DCUN1D4: variants seen among roughly 807,000 people sequenced by gnomAD.
The protein encoded by DCUN1D4 is defective in cullin neddylation 1 domain containing 4.
Under a neutral mutation model 47.9 loss-of-function variants are expected in DCUN1D4, and 22 were observed. That is an observed-to-expected ratio of 0.46 (90% CI 0.33 to 0.66). The LOEUF is 0.66. Among genes scored for constraint, DCUN1D4 ranks in the 30% least tolerant of loss-of-function variants. The pLI is 0.02. For synonymous variants in DCUN1D4, 121 were observed against 112.2 expected, an observed-to-expected ratio of 1.08 and a Z score of -0.50; for missense variants, 301 against 340.8, an observed-to-expected ratio of 0.88 and a Z score of 0.92.
At chr4:51,872,356 C>G (rs979495138) in intron 3 of DCUN1D4, among the ~76,000 whole-genome samples, 2 of 152,210 alleles carry the variant, frequency 1.3e-5, no homozygotes, top group African/African-American at 4.8e-5. Flanking sequence ...GAGCAGGTAT[C>G]TGGAAAGAGC....
chr4:51,893,056 G>A (rs1730691154), intron 7 of DCUN1D4, among the ~76,000 whole-genome samples: 1 of 152,222 alleles, frequency 6.6e-6, no homozygotes, highest in Admixed American at 6.5e-5. Context: ...GCTACTTTGT[G>A]AAGAAGACAG....
intron 8 of DCUN1D4, among the ~76,000 whole-genome samples, chr4:51,905,858 C>G (rs1399336632): frequency 1.3e-5 from 2 of 152,040 alleles, no homozygotes; most frequent in African/African-American, 2.4e-5. Context: ...CATTGCAGTC[C>G]TACCTTGATG....
rs541774008 is a variant in DCUN1D4 at position 51,899,954 on chromosome 4, A to G, written c.615+576A>G. Among the ~76,000 whole-genome samples, 77 of 152,284 alleles carry G rather than the reference A, an allele frequency of 5.1e-4. 1 individual carries two copies. Among genetic ancestry groups the G allele is most frequent in the Non-Finnish European group, 9.9e-4 (67 of 68,020 alleles). On this transcript the variant is annotated intron_variant, in intron 8 of 10. Transcript: ENST00000334635. ...TCCCTTGGAGTGAAATAAAAATCTTACTTTTCAGCCTAGTCACCATACATA... is the reference window on the plus strand; with the variant it reads ...TCCCTTGGAGTGAAATAAAAATCTTGCTTTTCAGCCTAGTCACCATACATA...
intron 5 of DCUN1D4, 59 bp downstream of exon 5, chr4:51,877,913 A>T (rs1398513421): frequency 2.6e-6 from 3 of 1,164,906 alleles, no homozygotes; most frequent in Non-Finnish European, 2.4e-6. Context: ...AGTACCTTAG[A>T]GATGATTAAA....
Position 51,913,636 on chromosome 4 carries a change from A to G in DCUN1D4, c.*52A>G. 6.5e-7 allele frequency: 1 copy of G among 1,541,780 alleles called. No homozygotes were observed. The highest frequency in any genetic ancestry group is 1.1e-5 in the South Asian group (1 of 87,788). ...CACTGTTACCACAGTTTTGTCACCC[A>G]TTAGCCATAAATTGCTGTTTGTATC... On this transcript the variant is annotated 3_prime_UTR_variant, in exon 11 of 11. Transcript: ENST00000334635.
At chr4:51,898,271 GC>G (rs1560509396) in intron 7 of DCUN1D4, among the ~76,000 whole-genome samples, 2 of 152,186 alleles carry the variant, frequency 1.3e-5, no homozygotes, top group Non-Finnish European at 2.9e-5. Flanking sequence ...GGACCCATGG[GC>G]AAGTGCCTTC....
At chr4:51,875,709 A>G (rs575825220) in intron 4 of DCUN1D4, among the ~76,000 whole-genome samples, 6 of 152,246 alleles carry the variant, frequency 3.9e-5, no homozygotes, top group Non-Finnish European at 7.4e-5. Flanking sequence ...TTTCCCTTTT[A>G]TGGATATGGT....
intron 3 of DCUN1D4, among the ~76,000 whole-genome samples, chr4:51,864,021 G>A (rs1725509166): frequency 1.3e-5 from 2 of 152,116 alleles, no homozygotes; most frequent in South Asian, 4.1e-4. Context: ...CAATTTGAAA[G>A]GTATTCCACA....
intron 5 of DCUN1D4, among the ~76,000 whole-genome samples, chr4:51,885,220 CG>C (rs955011374): frequency 6.6e-6 from 1 of 151,746 alleles, no homozygotes; most frequent in Non-Finnish European, 1.5e-5. Flanking sequence ...CAGGATGGGT[CG>C]GGGGGAAAAG....
At position 51,863,790 on chromosome 4, in the gene DCUN1D4, A is replaced by G. The variant is rs1029197723; in HGVS notation, c.136+81A>G. 2.7e-5 allele frequency: 38 copies of G among 1,408,036 alleles called. No individual in the cohort carries two copies. In the African/African-American group the frequency reaches 3.0e-4, roughly 11 times the overall value. The allele number at this position is 1,408,036 out of a possible 1,614,324, so 87.2% of individuals were successfully genotyped here. On this transcript the variant is annotated intron_variant, in intron 3 of 10. Transcript: ENST00000334635. The stretch of plus-strand genomic sequence containing the variant: ...GAGAAATACTAGCTATGAATGCGCT[A>G]TGTTGTCATAATGTACTCCATTAAC...
intron 1 of DCUN1D4, among the ~76,000 whole-genome samples, chr4:51,862,689 G>A (rs1393311035): frequency 6.6e-6 from 1 of 151,964 alleles, no homozygotes; most frequent in East Asian, 1.9e-4. Context: ...CATTTTTATT[G>A]CCTAATATAT....
At chr4:51,897,095 A>C (rs1336691049) in intron 7 of DCUN1D4, among the ~76,000 whole-genome samples, 1 of 152,144 alleles carries the variant, frequency 6.6e-6, no homozygotes. Flanking sequence ...CAAAATATCT[A>C]GTTCCTGCTT....
intron 1 of DCUN1D4, chr4:51,844,350 G>GC: frequency 1.0e-6 from 1 of 984,970 alleles, no homozygotes; most frequent in South Asian, 4.7e-5. Context: ...CGGGGTAAGT[G>GC]CCCTAAGGTT....
upstream of DCUN1D4, among the ~76,000 whole-genome samples, chr4:51,841,454 C>T (rs1369907733): frequency 2.0e-5 from 3 of 152,084 alleles, no homozygotes; most frequent in African/African-American, 7.2e-5. Flanking sequence ...AGGTACCTAC[C>T]CATCACTGTG....
chr4:51,861,102 A>G (rs1360524121), intron 1 of DCUN1D4, among the ~76,000 whole-genome samples: 1 of 152,210 alleles, frequency 6.6e-6, no homozygotes, highest in Non-Finnish European at 1.5e-5. Context: ...GTGTCTGATA[A>G]ATATTTTCAA....
intron 3 of DCUN1D4, among the ~76,000 whole-genome samples, chr4:51,866,472 T>G (rs1336290657): frequency 6.6e-6 from 1 of 152,194 alleles, no homozygotes; most frequent in African/African-American, 2.4e-5. Context: ...AGTATATCCT[T>G]GAGATCTTTT....
intron 5 of DCUN1D4, 44 bp from the exon 6 acceptor site, chr4:51,886,524 G>C (rs1253127679): frequency 6.5e-7 from 1 of 1,539,866 alleles, no homozygotes; most frequent in African/African-American, 1.4e-5. Context: ...TAATAGTATG[G>C]TGTGCATGGT....
At chr4:51,838,289 C>A (rs939482357), upstream of DCUN1D4, among the ~76,000 whole-genome samples, 2 of 152,148 alleles carry the variant, frequency 1.3e-5, no homozygotes, top group Non-Finnish European at 2.9e-5. Flanking sequence ...TGGATGTAAT[C>A]CTTCTGACCC....
upstream of DCUN1D4, chr4:51,842,919 C>A (rs1224367907): frequency 1.8e-6 from 1 of 570,992 alleles, no homozygotes; most frequent in East Asian, 4.1e-5. Flanking sequence ...TGACAGCAGC[C>A]GGGCCCAACC....
Sources: allele counts gnomAD v4.1 joint callset (sites outside exome capture counted in the v4.1 genomes callset), GRCh38; gene constraint gnomAD v4.1.1; transcripts MANE v1.5; gene names NCBI Gene and HGNC (gene_info 2026-07-23, HGNC 2026-07-21).